Variants in AFAP1 observed in about 807,000 individuals in gnomAD.
AFAP1 encodes actin filament associated protein 1.
Under a neutral mutation model 93.9 loss-of-function variants are expected in AFAP1, and 75 were observed. That is an observed-to-expected ratio of 0.80 (90% CI 0.66 to 0.97). The LOEUF (loss-of-function observed/expected upper bound fraction) is 0.97. Among genes scored for constraint, AFAP1 ranks in the 50% least tolerant of loss-of-function variants. The probability of loss-of-function intolerance (pLI) is 0.00; values close to 1 mark genes in which losing one functional copy is unlikely to be tolerated. For missense variants in AFAP1, 1,201 were observed against 1,050.8 expected (o/e 1.14, Z -1.98); for synonymous variants, 517 against 430.7 (o/e 1.20, Z -2.48).
chr4:7,795,419 T>A (rs1718311285), intron 10 of AFAP1, among the ~76,000 whole-genome samples: 3 of 52,712 alleles, frequency 5.7e-5, no homozygotes, highest in Admixed American at 2.1e-4. Context: ...TTTTTTTTTT[T>A]TTTTTTTTTT....
intron 17 of AFAP1, among the ~76,000 whole-genome samples, chr4:7,767,441 A>C (rs936793056): frequency 4.6e-5 from 7 of 152,224 alleles, no homozygotes; most frequent in African/African-American, 1.7e-4. Context: ...TGCGAGTCCT[A>C]AGTGGGATGT....
chr4:7,909,457 C>T (rs1033372031), intron 1 of AFAP1, among the ~76,000 whole-genome samples: 3 of 152,192 alleles, frequency 2.0e-5, no homozygotes, highest in African/African-American at 7.2e-5. Flanking sequence ...GCCAATCAAA[C>T]TAGACTTACT....
In AFAP1 at chr4:7,800,579, G is replaced by A; in HGVS notation, c.1129C>T (p.His377Tyr). ...CRVKDNKLIF[H>Y]KDRTDLKTHI... ...GTCTTCAGGTCGGTCCTGTCCTTGT[G>A]GAAAATGAGCTTGTTATCTTTCACT... Residue 377 changes from histidine to tyrosine, a missense_variant, in exon 10 of 18, where the codon CAC becomes TAC. His to Tyr is a moderately conservative substitution (Grantham distance 83). Transcript: ENST00000420658. 1 of 1,614,210 alleles carries A rather than the reference G, an allele frequency of 6.2e-7. No individual in the cohort carries two copies. Among genetic ancestry groups the A allele is most frequent in the Non-Finnish European group, 8.5e-7 (1 of 1,180,042 alleles).
intron 3 of AFAP1, chr4:7,861,962 T>C (rs1715752999): frequency 6.6e-6 from 1 of 152,238 alleles, no homozygotes; most frequent in Non-Finnish European, 1.5e-5. Flanking sequence ...GAAACAGAGA[T>C]AACAAGGTTA....
chr4:7,905,848 A>G (rs528989331), intron 1 of AFAP1, among the ~76,000 whole-genome samples: 2 of 152,348 alleles, frequency 1.3e-5, no homozygotes, highest in South Asian at 2.1e-4. Flanking sequence ...AACGATGCTG[A>G]GTCAGTAACA....
rs1714010864 is a variant in AFAP1, at chr4:7,762,886, C to G, written c.*879G>C. The G allele has an allele frequency of 6.6e-6, 1 of 152,444 alleles. No individual in the cohort carries two copies. Among genetic ancestry groups the G allele is most frequent in the East Asian group, 1.9e-4 (1 of 5,170 alleles). 9.4% of individuals were successfully genotyped at this position (152,444 alleles called of 1,614,324 possible). A position where few individuals can be genotyped will look rare whatever the true frequency, so the allele number is the denominator to read the frequency against. On this transcript the variant is annotated 3_prime_UTR_variant, in exon 18 of 18. Coordinates refer to ENST00000420658, the MANE Select transcript of AFAP1 (RefSeq NM_001134647.2). ...AGCGGCGAGGAGCCAGCCCCTGCCCCCAGAGGCTCCTGGTGTGAGAAGCAC... is the reference window on the plus strand; with the variant it reads ...AGCGGCGAGGAGCCAGCCCCTGCCCGCAGAGGCTCCTGGTGTGAGAAGCAC...
intron 1 of AFAP1, among the ~76,000 whole-genome samples, chr4:7,921,031 T>C (rs897392768): frequency 6.6e-6 from 1 of 151,858 alleles, no homozygotes; most frequent in Non-Finnish European, 1.5e-5. Context: ...TGGGTTTTTT[T>C]AATACCAGTT....
At chr4:7,896,154 A>G (rs555946312) in intron 1 of AFAP1, among the ~76,000 whole-genome samples, 5 of 152,180 alleles carry the variant, frequency 3.3e-5, no homozygotes, top group Non-Finnish European at 1.5e-5. Flanking sequence ...CCTGGCTCAG[A>G]AAGTATTTTT....
chr4:7,902,515 C>T (rs1006716625), intron 1 of AFAP1, among the ~76,000 whole-genome samples: 1 of 152,046 alleles, frequency 6.6e-6, no homozygotes, highest in Non-Finnish European at 1.5e-5. Context: ...ATTTTTTTCC[C>T]CTTGTTCTAA....
chr4:7,800,568 C>G lies in AFAP1; in HGVS notation c.1140G>C (p.Arg380Ser). The G allele has an allele frequency of 6.2e-7, 1 of 1,614,170 alleles. No individual in the cohort carries two copies. Among genetic ancestry groups the G allele is most frequent in the Non-Finnish European group, 8.5e-7 (1 of 1,180,044 alleles). Reference protein sequence around the residue: ...KDNKLIFHKDRTDLKTHIVSI... With the variant: ...KDNKLIFHKDSTDLKTHIVSI... ...ACACAATATGGGTCTTCAGGTCGGT[C>G]CTGTCCTTGTGGAAAATGAGCTTGT... The change falls in exon 10 of 18, where the codon AGG (arginine) becomes AGC (serine). Residue 380 changes from arginine (R) to serine (S), a missense_variant. Physicochemically the swap from Arg to Ser is moderately radical, Grantham distance 110. Coordinates refer to ENST00000420658, the MANE Select transcript of AFAP1 (RefSeq NM_001134647.2).
At chr4:7,815,784 A>G (rs530103544) in intron 8 of AFAP1, among the ~76,000 whole-genome samples, 1 of 152,332 alleles carries the variant, frequency 6.6e-6, no homozygotes, top group East Asian at 1.9e-4. Context: ...AAGACAACAG[A>G]TGGCAACCTC....
chr4:7,770,970 C>T (rs1270632063), intron 16 of AFAP1, among the ~76,000 whole-genome samples: 3 of 152,236 alleles, frequency 2.0e-5, no homozygotes, highest in Admixed American at 2.0e-4. Flanking sequence ...CTGACCCCAC[C>T]ATGCTCTTGT....
At chr4:7,822,585 T>A (rs1721062275) in intron 6 of AFAP1, among the ~76,000 whole-genome samples, 1 of 98,424 alleles carries the variant, frequency 1.0e-5, no homozygotes, top group South Asian at 2.9e-4. Context: ...TTTTCTTTTT[T>A]CTTTTTTTTT....
intron 1 of AFAP1, among the ~76,000 whole-genome samples, chr4:7,934,558 C>A (rs1213838522): frequency 4.0e-5 from 6 of 151,660 alleles, no homozygotes; most frequent in Non-Finnish European, 7.3e-5. Flanking sequence ...CTACCACTGT[C>A]TGGGATATCA....
intron 8 of AFAP1, among the ~76,000 whole-genome samples, chr4:7,814,822 T>C (rs1720336626): frequency 6.6e-6 from 1 of 151,682 alleles, no homozygotes; most frequent in South Asian, 2.1e-4. Context: ...GTCTTGATTG[T>C]GGTGATGGTT....
chr4:7,881,153 T>TG (rs1031964554), intron 1 of AFAP1, among the ~76,000 whole-genome samples: 5 of 152,080 alleles, frequency 3.3e-5, no homozygotes, highest in African/African-American at 4.8e-5. Flanking sequence ...TAATCTAAAT[T>TG]GGGGGGTGGG....
intron 1 of AFAP1, among the ~76,000 whole-genome samples, chr4:7,879,267 C>T (rs1717698985): frequency 6.6e-6 from 1 of 152,294 alleles, no homozygotes; most frequent in African/African-American, 2.4e-5. Context: ...TAACTGTCTG[C>T]ATTTTATCTC....
In AFAP1 at chr4:7,843,142, C is replaced by CAA; in HGVS notation, c.542_543insTT (p.Leu182CysfsTer37). 1 of 1,613,662 alleles carries CAA rather than the reference C, an allele frequency of 6.2e-7. No individual in the cohort carries two copies. Among genetic ancestry groups the CAA allele is most frequent in the East Asian group, 2.2e-5 (1 of 44,874 alleles). Reference sequence around the variant, plus strand: ...CAAGCGATTCCAAATGTCTTACCAGCAGTTTGGTGTCTTTGATGACGCAGA... The same window carrying CAA: ...CAAGCGATTCCAAATGTCTTACCAGCAAAGTTTGGTGTCTTTGATGACGCAGA... On this transcript the variant is annotated frameshift_variant, in exon 5 of 18. Coordinates refer to ENST00000420658, the MANE Select transcript of AFAP1 (RefSeq NM_001134647.2). LOFTEE classifies it high-confidence loss of function.
intron 1 of AFAP1, among the ~76,000 whole-genome samples, chr4:7,895,808 T>C (rs1718727558): frequency 6.6e-6 from 1 of 151,592 alleles, no homozygotes; most frequent in Middle Eastern, 3.2e-3. Context: ...AAGACCACAT[T>C]CACACTTTAC....
Sources: allele counts gnomAD v4.1 joint callset (sites outside exome capture counted in the v4.1 genomes callset), GRCh38; gene constraint gnomAD v4.1.1; transcripts MANE v1.5; gene names NCBI Gene and HGNC (gene_info 2026-07-23, HGNC 2026-07-21).